Variants in PAK3 observed in about 807,000 individuals in gnomAD.
The protein encoded by PAK3 is serine/threonine-protein kinase PAK 3.
Under a neutral mutation model 41.0 loss-of-function variants are expected in PAK3, and 4 were observed. That is an observed-to-expected ratio of 0.10 (90% CI 0.05 to 0.22). The LOEUF (loss-of-function observed/expected upper bound fraction) is 0.22, where lower values mean the gene tolerates loss of function less well. Among genes scored for constraint, PAK3 ranks in the 10% least tolerant of loss-of-function variants. The probability of loss-of-function intolerance (pLI) is 1.00; values close to 1 mark genes in which losing one functional copy is unlikely to be tolerated. For missense variants in PAK3, 205 were observed against 409.9 expected (o/e 0.50, Z 4.32); for synonymous variants, 146 against 139.6 (o/e 1.05, Z -0.32).
At chrX:111,127,530 G>A (rs1204608687) in intron 5 of PAK3, among the ~76,000 whole-genome samples, 1 of 111,356 alleles carries the variant, frequency 9.0e-6, no homozygotes, top group Non-Finnish European at 1.9e-5. Context: ...TTTGGTGTTA[G>A]AGCAATTCAG....
At position 111,171,837 on chromosome X, in the gene PAK3, A is replaced by G. The variant is rs765854384; in HGVS notation, c.767-1181A>G. Among the ~76,000 whole-genome samples the G allele has an allele frequency of 5.4e-5, 6 of 111,987 alleles. No individual in the cohort carries two copies. In the Admixed American group the frequency reaches 5.7e-4, roughly 11 times the overall value. On this transcript the variant is annotated intron_variant, in intron 10 of 17. Coordinates refer to ENST00000372007, the MANE Select transcript of PAK3 (RefSeq NM_002578.5). ...TCATTAAATATGTTAAAGACATTCA[A>G]TTGCACACTCTAGGTCACTGAACTT...
rs1017151193 is a variant in PAK3, at chrX:111,221,060, A to G, written c.*613A>G. The G allele has an allele frequency of 2.7e-5, 3 of 111,110 alleles. No homozygotes were observed. The highest frequency in any genetic ancestry group is 6.5e-5 in the African/African-American group (2 of 30,596). 9.2% of individuals were successfully genotyped at this position (111,110 alleles called of 1,213,427 possible). On this transcript the variant is annotated 3_prime_UTR_variant, in exon 18 of 18. Coordinates refer to ENST00000372007, the MANE Select transcript of PAK3 (RefSeq NM_002578.5). ...AAGTCCATGCCCTAATAGAGTTGCA[A>G]TTTTTTATTCTTCTTCTATAGTGGT...
At chrX:111,158,474 C>G in intron 8 of PAK3, among the ~76,000 whole-genome samples, 1 of 111,871 alleles carries the variant, frequency 8.9e-6, no homozygotes, top group Non-Finnish European at 1.9e-5. Context: ...TAAAGTACGC[C>G]TAATCCCAGT....
intron 13 of PAK3, among the ~76,000 whole-genome samples, chrX:111,193,984 T>C (rs971970150): frequency 9.0e-6 from 1 of 111,198 alleles, no homozygotes; most frequent in African/African-American, 3.3e-5. Flanking sequence ...GTGGGAACAT[T>C]GGGTTCATTC....
At chrX:111,030,913 T>C (rs1053925706) in intron 1 of PAK3, among the ~76,000 whole-genome samples, 1 of 111,611 alleles carries the variant, frequency 9.0e-6, no homozygotes. Context: ...ACATTACAAG[T>C]CGGTTTGTAG....
intron 1 of PAK3, among the ~76,000 whole-genome samples, chrX:110,972,822 A>G (rs2091239988): frequency 9.0e-6 from 1 of 111,531 alleles, no homozygotes. Flanking sequence ...TTGAAAAAAG[A>G]TTAGACGAAT....
At chrX:111,126,319 A>C (rs1303663968) in intron 5 of PAK3, among the ~76,000 whole-genome samples, 2 of 111,677 alleles carry the variant, frequency 1.8e-5, no homozygotes, top group African/African-American at 6.5e-5. Flanking sequence ...GGTTTTCAAC[A>C]GTTTACTTGA....
intron 16 of PAK3, among the ~76,000 whole-genome samples, chrX:111,207,991 C>T (rs755326638): frequency 8.9e-6 from 1 of 112,222 alleles, no homozygotes; most frequent in Non-Finnish European, 1.9e-5. Flanking sequence ...GACGAGGTTT[C>T]GCCCTGTGGC....
intron 10 of PAK3, chrX:111,169,204 A>G (rs1455238384): frequency 1.0e-5 from 2 of 196,239 alleles, no homozygotes; most frequent in Non-Finnish European, 1.9e-5. Context: ...TTAAAGACAT[A>G]GTCTAAAAGG....
At chrX:111,059,945 T>C (rs1461978627) in intron 1 of PAK3, among the ~76,000 whole-genome samples, 2 of 111,651 alleles carry the variant, frequency 1.8e-5, no homozygotes, top group Non-Finnish European at 3.8e-5. Context: ...CTAATTGCTA[T>C]GGCCAGAATC....
upstream of PAK3, among the ~76,000 whole-genome samples, chrX:111,093,106 C>T (rs2092942409): frequency 8.9e-6 from 1 of 111,734 alleles, no homozygotes; most frequent in African/African-American, 3.3e-5. Flanking sequence ...AATCAAGGGG[C>T]TAGTTGGGTT....
intron 4 of PAK3, among the ~76,000 whole-genome samples, chrX:111,114,383 G>A (rs986561112): frequency 1.8e-5 from 2 of 111,961 alleles, no homozygotes; most frequent in Non-Finnish European, 3.8e-5. Flanking sequence ...ATGCACAGAT[G>A]GGTTACTTAA....
At chrX:110,975,324 C>T (rs1185645387) in intron 1 of PAK3, among the ~76,000 whole-genome samples, 3 of 111,873 alleles carry the variant, frequency 2.7e-5, no homozygotes, top group Non-Finnish European at 5.6e-5. Flanking sequence ...AACAGACAAA[C>T]AGAGAGCTAA....
At chrX:111,166,449 G>A (rs1350862498) in intron 10 of PAK3, among the ~76,000 whole-genome samples, 2 of 110,919 alleles carry the variant, frequency 1.8e-5, no homozygotes, top group Non-Finnish European at 1.9e-5. Flanking sequence ...TTAGGTGTGC[G>A]CCACCATGCC....
chrX:110,984,347 T>C (rs775972263), intron 1 of PAK3, among the ~76,000 whole-genome samples: 1 of 111,656 alleles, frequency 9.0e-6, no homozygotes, highest in Non-Finnish European at 1.9e-5. Context: ...TACACACACA[T>C]ATACATCCAT....
chrX:111,138,772 C>T (rs1474521853), intron 5 of PAK3, among the ~76,000 whole-genome samples: 2 of 110,617 alleles, frequency 1.8e-5, no homozygotes, highest in African/African-American at 3.3e-5. Flanking sequence ...TCATGCAGGC[C>T]CTTGGATATC....
chrX:111,173,147 A>G, intron 11 of PAK3, 66 bp downstream of exon 11: 1 of 572,271 alleles, frequency 1.7e-6, no homozygotes. Flanking sequence ...ATTAAAATTC[A>G]GTAAGAGCTT....
intron 1 of PAK3, among the ~76,000 whole-genome samples, chrX:111,010,318 T>C (rs1448108861): frequency 9.0e-6 from 1 of 111,656 alleles, no homozygotes; most frequent in Non-Finnish European, 1.9e-5. Context: ...CCCTAGGAGC[T>C]CTGTGATAAC....
intron 1 of PAK3, among the ~76,000 whole-genome samples, chrX:111,034,746 C>G (rs187095401): frequency 9.0e-6 from 1 of 111,136 alleles, no homozygotes; most frequent in Admixed American, 9.6e-5. Context: ...TCCACCTCTG[C>G]TGATAACTAT....
Sources: allele counts gnomAD v4.1 joint callset (sites outside exome capture counted in the v4.1 genomes callset), GRCh38; gene constraint gnomAD v4.1.1; transcripts MANE v1.5; gene names NCBI Gene and HGNC (gene_info 2026-07-23, HGNC 2026-07-21).